THSD7B: variants seen among roughly 807,000 people sequenced by gnomAD.
THSD7B encodes thrombospondin type 1 domain containing 7B.
THSD7B carries 138 observed loss-of-function variants against 213.6 expected under a neutral mutation model. That is an observed-to-expected ratio of 0.65 (90% confidence interval 0.56 to 0.74). The LOEUF (loss-of-function observed/expected upper bound fraction) is 0.74. THSD7B is among the 30% of genes least tolerant of loss of function. The pLI is 0.00. For synonymous variants in THSD7B, 742 were observed against 687.0 expected, an observed-to-expected ratio of 1.08 and a Z score of -1.25; for missense variants, 1,931 against 1,991.5, an observed-to-expected ratio of 0.97 and a Z score of 0.58.
At chr2:137,566,871 G>A (rs1253111398) in intron 16 of THSD7B, among the ~76,000 whole-genome samples, 1 of 152,166 alleles carries the variant, frequency 6.6e-6, no homozygotes, top group East Asian at 1.9e-4. Context: ...GGAGTTATCA[G>A]GAGTATTATT....
intron 2 of THSD7B, among the ~76,000 whole-genome samples, chr2:136,955,002 A>G (rs951760134): frequency 6.6e-6 from 1 of 152,084 alleles, no homozygotes; most frequent in Non-Finnish European, 1.5e-5. Flanking sequence ...GTAGACAGTA[A>G]TCTTTCTTAA....
intron 10 of THSD7B, among the ~76,000 whole-genome samples, chr2:137,258,489 C>T (rs1002463385): frequency 3.3e-5 from 5 of 152,022 alleles, no homozygotes; most frequent in African/African-American, 1.2e-4. Flanking sequence ...TGTCCTTCCC[C>T]ATATATTACA....
intron 12 of THSD7B, among the ~76,000 whole-genome samples, chr2:137,404,462 TATATATATATATACACACACACAC>T (rs1686454464): frequency 2.4e-5 from 2 of 81,922 alleles, no homozygotes; most frequent in Admixed American, 2.9e-4. Flanking sequence ...TATATATATA[TATATATATATATACACACACACAC>T]ACACACACAC....
intron 5 of THSD7B, among the ~76,000 whole-genome samples, chr2:137,118,248 A>C (rs1176745577): frequency 6.6e-6 from 1 of 152,174 alleles, no homozygotes; most frequent in African/African-American, 2.4e-5. Flanking sequence ...TGGTAAGAAC[A>C]CTTTCTTCTT....
At chr2:137,383,388 C>G (rs573826408) in intron 12 of THSD7B, among the ~76,000 whole-genome samples, 54 of 152,326 alleles carry the variant, frequency 3.5e-4, no homozygotes, top group South Asian at 1.5e-3. Flanking sequence ...TGCATCTCCC[C>G]ACTAGAAAAA....
At chr2:137,553,115 A>T (rs188320653) in intron 15 of THSD7B, among the ~76,000 whole-genome samples, 29 of 152,274 alleles carry the variant, frequency 1.9e-4, no homozygotes, top group Admixed American at 1.3e-3. Flanking sequence ...ATTGAATATG[A>T]CTTGCCAGGA....
At chr2:137,280,303 G>C (rs1021714808) in intron 12 of THSD7B, among the ~76,000 whole-genome samples, 1 of 152,030 alleles carries the variant, frequency 6.6e-6, no homozygotes, top group African/African-American at 2.4e-5. Context: ...ACTCTGTTTG[G>C]GGTGTTACGG....
At chr2:137,295,662 A>G (rs72975647) in intron 12 of THSD7B, among the ~76,000 whole-genome samples, 7,682 of 151,772 alleles carry the variant, frequency 0.051, 465 homozygotes, top group African/African-American at 0.14. Flanking sequence ...TTTTAGTAGA[A>G]ACGGGGTTTC....
chr2:137,281,738 G>A (rs11687842), intron 12 of THSD7B, among the ~76,000 whole-genome samples: 98,220 of 151,790 alleles, frequency 0.65, 33,027 homozygotes, highest in East Asian at 0.94. Flanking sequence ...TGAACTCATC[G>A]TTTTTTATGG....
intron 2 of THSD7B, among the ~76,000 whole-genome samples, chr2:136,934,450 A>G (rs1298711692): frequency 1.3e-5 from 2 of 152,170 alleles, no homozygotes; most frequent in Non-Finnish European, 2.9e-5. Flanking sequence ...TTCCAGTAAA[A>G]ATAAAAATTT....
At chr2:137,067,624 G>T (rs1687405832) in intron 3 of THSD7B, among the ~76,000 whole-genome samples, 1 of 152,032 alleles carries the variant, frequency 6.6e-6, no homozygotes, top group African/African-American at 2.4e-5. Context: ...AAGCCTGTTT[G>T]TTAAGACCTT....
Position 137,663,677 on chromosome 2 carries a change from G to A in THSD7B, c.4651+102G>A, listed in dbSNP as rs1573774437. On this transcript the variant is annotated intron_variant, in intron 26 of 27. Coordinates refer to ENST00000409968, the MANE Select transcript of THSD7B (RefSeq NM_001316349.2). ...AGAATGGAGGGAAGGAGGAAAAGAG[G>A]AGAGAAGAAAGAGGCAGTAAGGCAT... 6.3e-6 allele frequency: 7 copies of A among 1,108,232 alleles called. No homozygotes were observed. In the East Asian group the frequency reaches 1.3e-4, roughly 20 times the overall value. 68.6% of individuals were successfully genotyped at this position (1,108,232 alleles called of 1,614,324 possible).
intron 15 of THSD7B, among the ~76,000 whole-genome samples, chr2:137,470,772 T>G (rs138325143): frequency 6.6e-6 from 1 of 152,266 alleles, no homozygotes; most frequent in East Asian, 1.9e-4. Context: ...ATTCCCAATA[T>G]TCCTTTAAAA....
intron 12 of THSD7B, among the ~76,000 whole-genome samples, chr2:137,323,046 A>C (rs969913822): frequency 1.3e-5 from 2 of 152,186 alleles, no homozygotes; most frequent in Non-Finnish European, 2.9e-5. Context: ...ACTCTCAGGC[A>C]AGCTCACTGG....
At chr2:136,867,152 C>T (rs1259800475) in intron 1 of THSD7B, among the ~76,000 whole-genome samples, 1 of 152,158 alleles carries the variant, frequency 6.6e-6, no homozygotes, top group Non-Finnish European at 1.5e-5. Flanking sequence ...GCAGAGTCCA[C>T]AGGAGTATTG....
chr2:137,562,196 A>T (rs1004907823), intron 15 of THSD7B, among the ~76,000 whole-genome samples: 1 of 152,076 alleles, frequency 6.6e-6, no homozygotes, highest in Non-Finnish European at 1.5e-5. Context: ...GGAATTAGAA[A>T]GGCAAGAGGA....
chr2:137,300,416 A>G (rs1381134481), intron 12 of THSD7B, among the ~76,000 whole-genome samples: 1 of 151,996 alleles, frequency 6.6e-6, no homozygotes, highest in East Asian at 1.9e-4. Flanking sequence ...ATGATGTGCC[A>G]TCTCCATTTT....
At position 136,882,132 on chromosome 2, in the gene THSD7B, T is replaced by C; in HGVS notation, c.-35-12T>C. 1 of 1,433,170 alleles carries C rather than the reference T, an allele frequency of 7.0e-7. No individual in the cohort carries two copies. Among genetic ancestry groups the C allele is most frequent in the South Asian group, 1.5e-5 (1 of 65,772 alleles). The allele number at this position is 1,433,170 out of a possible 1,614,324, so 88.8% of individuals were successfully genotyped here. On this transcript the variant is annotated splice_polypyrimidine_tract_variant and intron_variant, in intron 1 of 27. Coordinates refer to ENST00000409968, the MANE Select transcript of THSD7B (RefSeq NM_001316349.2). The stretch of plus-strand genomic sequence containing the variant: ...AGAAGAAACTTACCTGATTTTTCTT[T>C]TTCTCTTTTAGGAATAGGCAAGTCA...
chr2:136,864,427 C>T (rs763951923), intron 1 of THSD7B, among the ~76,000 whole-genome samples: 21 of 152,254 alleles, frequency 1.4e-4, no homozygotes, highest in Admixed American at 5.2e-4. Flanking sequence ...GCAAATACAA[C>T]GAACATTTTT....
Sources: allele counts gnomAD v4.1 joint callset (sites outside exome capture counted in the v4.1 genomes callset), GRCh38; gene constraint gnomAD v4.1.1; transcripts MANE v1.5; gene names NCBI Gene and HGNC (gene_info 2026-07-23, HGNC 2026-07-21).